Variants in MCTP1 observed in about 807,000 individuals in gnomAD.
MCTP1 encodes multiple C2 and transmembrane domain-containing protein 1.
A neutral mutation model predicts 120.6 loss-of-function variants in MCTP1; 69 were observed. That is an observed-to-expected ratio of 0.57 (90% CI 0.47 to 0.70). The LOEUF is 0.70. Ranked by LOEUF, MCTP1 falls within the 30% of genes least tolerant of loss-of-function variation. The pLI is 0.00. For synonymous variants in MCTP1, 529 were observed against 493.1 expected (o/e 1.07, Z -0.96); for missense variants, 1,203 against 1,248.8 (o/e 0.96, Z 0.55).
intron 1 of MCTP1, among the ~76,000 whole-genome samples, chr5:95,148,727 G>C (rs1305819820): frequency 2.0e-5 from 3 of 151,972 alleles, no homozygotes; most frequent in African/African-American, 7.3e-5. Context: ...GGGCTAGTAT[G>C]TTACTTTAGA....
intron 3 of MCTP1, among the ~76,000 whole-genome samples, chr5:94,947,599 G>GAGAC (rs1554147751): frequency 2.0e-5 from 2 of 97,934 alleles, no homozygotes; most frequent in African/African-American, 7.7e-5. Context: ...GAGAGAGAGA[G>GAGAC]AGAGAGAGAG....
intron 2 of MCTP1, among the ~76,000 whole-genome samples, chr5:94,970,224 G>C (rs1427915356): frequency 6.6e-6 from 1 of 151,900 alleles, no homozygotes; most frequent in African/African-American, 2.4e-5. Flanking sequence ...TAAATGCAGA[G>C]TTGAAGACAT....
chr5:95,259,426 A>T (rs1211746692), intron 1 of MCTP1, among the ~76,000 whole-genome samples: 1 of 152,190 alleles, frequency 6.6e-6, no homozygotes, highest in Non-Finnish European at 1.5e-5. Context: ...GCCAGATTCC[A>T]TATAGCCCCC....
At chr5:94,923,928 T>G (rs1812344954) in intron 7 of MCTP1, 34 bp downstream of exon 7, 1 of 1,396,598 alleles carries the variant, frequency 7.2e-7, no homozygotes, top group South Asian at 1.4e-5. Flanking sequence ...AAACCAAAAA[T>G]CAAGAATATT....
chr5:94,931,740 A>G, intron 6 of MCTP1: 1 of 550,732 alleles, frequency 1.8e-6, no homozygotes, highest in Non-Finnish European at 3.2e-6. Context: ...TTGAGAAGTG[A>G]CCAGAGAATA....
At chr5:94,914,010 G>T (rs2153447012) in intron 8 of MCTP1, among the ~76,000 whole-genome samples, 1 of 152,194 alleles carries the variant, frequency 6.6e-6, no homozygotes, top group South Asian at 2.1e-4. Context: ...AAAGTGCTGG[G>T]ATTACAGGCA....
At chr5:94,876,614 C>G (rs557228079) in intron 12 of MCTP1, among the ~76,000 whole-genome samples, 1 of 152,010 alleles carries the variant, frequency 6.6e-6, no homozygotes, top group African/African-American at 2.4e-5. Flanking sequence ...TAAAGCAGAC[C>G]AGTGGGTATC....
At chr5:94,717,920 T>C (rs1257119805) in intron 19 of MCTP1, among the ~76,000 whole-genome samples, 1 of 152,176 alleles carries the variant, frequency 6.6e-6, no homozygotes, top group Non-Finnish European at 1.5e-5. Flanking sequence ...ACAATCATTA[T>C]TGTGAAAATG....
intron 1 of MCTP1, among the ~76,000 whole-genome samples, chr5:95,207,509 G>C (rs963152028): frequency 2.0e-5 from 3 of 152,138 alleles, no homozygotes; most frequent in Non-Finnish European, 4.4e-5. Flanking sequence ...TGATTAAATT[G>C]ATCAGAGTTT....
chr5:95,045,326 C>T (rs911534273), intron 1 of MCTP1, among the ~76,000 whole-genome samples: 20 of 152,162 alleles, frequency 1.3e-4, no homozygotes, highest in Admixed American at 9.2e-4. Context: ...TTCCTTATCA[C>T]AGTTTGGAAA....
At chr5:94,760,808 C>A (rs1378489989) in intron 19 of MCTP1, among the ~76,000 whole-genome samples, 6 of 152,032 alleles carry the variant, frequency 3.9e-5, no homozygotes, top group Admixed American at 3.9e-4. Flanking sequence ...GCCTCAGCCT[C>A]CCAAAAGCTG....
intron 1 of MCTP1, among the ~76,000 whole-genome samples, chr5:95,151,278 C>T (rs1199895959): frequency 6.6e-6 from 1 of 151,308 alleles, no homozygotes; most frequent in Non-Finnish European, 1.5e-5. Flanking sequence ...GCCACCACAC[C>T]CGGCCAGAAA....
intron 1 of MCTP1, among the ~76,000 whole-genome samples, chr5:95,142,054 A>ATTTCAAAAT (rs11281058): frequency 0.074 from 11,287 of 152,194 alleles, 633 homozygotes; most frequent in East Asian, 0.3. Flanking sequence ...TTCAAAAAAC[A>ATTTCAAAAT]TTTCAAAATT....
chr5:95,185,102 G>A (rs1749055008), intron 1 of MCTP1, among the ~76,000 whole-genome samples: 1 of 152,128 alleles, frequency 6.6e-6, no homozygotes, highest in African/African-American at 2.4e-5. Context: ...CTCTGTCTAG[G>A]CAGTGGGCAA....
At chr5:95,233,424 G>T (rs1363138541) in intron 1 of MCTP1, among the ~76,000 whole-genome samples, 1 of 151,770 alleles carries the variant, frequency 6.6e-6, no homozygotes, top group Non-Finnish European at 1.5e-5. Flanking sequence ...TGCCTCCTGG[G>T]TTCATGCCAT....
chr5:94,909,027 C>G (rs1807713317), intron 10 of MCTP1, among the ~76,000 whole-genome samples: 1 of 152,008 alleles, frequency 6.6e-6, no homozygotes, highest in Admixed American at 6.6e-5. Context: ...GGAGAAAATT[C>G]ATGGATATCA....
intron 6 of MCTP1, among the ~76,000 whole-genome samples, chr5:94,925,298 A>G (rs908913482): frequency 6.6e-6 from 1 of 152,232 alleles, no homozygotes; most frequent in African/African-American, 2.4e-5. Context: ...AAAACAGCAT[A>G]AACTATTCAT....
intron 1 of MCTP1, among the ~76,000 whole-genome samples, chr5:95,139,016 GT>G (rs1395043376): frequency 6.6e-6 from 1 of 151,916 alleles, no homozygotes; most frequent in East Asian, 1.9e-4. Flanking sequence ...TAAAATTAGA[GT>G]TTATATGTTC....
At chr5:94,780,022 T>C (rs1386434412) in intron 18 of MCTP1, among the ~76,000 whole-genome samples, 5 of 152,124 alleles carry the variant, frequency 3.3e-5, no homozygotes, top group African/African-American at 7.2e-5. Context: ...TTCACAAACA[T>C]ACACATATGC....
Sources: allele counts gnomAD v4.1 joint callset (sites outside exome capture counted in the v4.1 genomes callset), GRCh38; gene constraint gnomAD v4.1.1; transcripts MANE v1.5; gene names NCBI Gene and HGNC (gene_info 2026-07-23, HGNC 2026-07-21).